KHDRBS3: variants seen among roughly 807,000 people sequenced by gnomAD.
KHDRBS3 encodes KH domain-containing, RNA-binding, signal transduction-associated protein 3.
A neutral mutation model predicts 45.6 loss-of-function variants in KHDRBS3; 23 were observed. That is an observed-to-expected ratio of 0.50 (90% CI 0.36 to 0.72). KHDRBS3 has a LOEUF of 0.72. KHDRBS3 is among the 30% of genes least tolerant of loss of function. The probability of loss-of-function intolerance (pLI) is 0.00; values close to 1 mark genes in which losing one functional copy is unlikely to be tolerated. For synonymous variants in KHDRBS3, 162 were observed against 156.5 expected, an observed-to-expected ratio of 1.04 and a Z score of -0.26; for missense variants, 352 against 424.8, an observed-to-expected ratio of 0.83 and a Z score of 1.51.
At chr8:135,624,113 C>G (rs1830261301) in intron 7 of KHDRBS3, among the ~76,000 whole-genome samples, 1 of 152,164 alleles carries the variant, frequency 6.6e-6, no homozygotes, top group Non-Finnish European at 1.5e-5. Flanking sequence ...TTACAGTGGA[C>G]AGCAGATACC....
At chr8:135,511,401 C>T (rs977905295) in intron 1 of KHDRBS3, among the ~76,000 whole-genome samples, 1 of 152,100 alleles carries the variant, frequency 6.6e-6, no homozygotes, top group Non-Finnish European at 1.5e-5. Context: ...CCATCCTCCT[C>T]ATTATTATTC....
At chr8:135,540,149 A>G (rs969588980) in intron 2 of KHDRBS3, 15 of 152,242 alleles carry the variant, frequency 9.9e-5, no homozygotes, top group African/African-American at 3.6e-4. Flanking sequence ...TGAAATAAAA[A>G]GGCATAAATT....
intron 2 of KHDRBS3, chr8:135,538,958 A>C (rs1825914112): frequency 6.6e-6 from 1 of 152,232 alleles, no homozygotes; most frequent in African/African-American, 2.4e-5. Flanking sequence ...AACAAAAAAA[A>C]CCTACCTTAG....
At chr8:135,629,480 T>G (rs1830506378) in intron 7 of KHDRBS3, among the ~76,000 whole-genome samples, 3 of 152,202 alleles carry the variant, frequency 2.0e-5, no homozygotes, top group Admixed American at 2.0e-4. Context: ...CTGAAACACT[T>G]CTAGAAACTG....
At chr8:135,625,783 G>C in intron 7 of KHDRBS3, 1 of 767,594 alleles carries the variant, frequency 1.3e-6, no homozygotes, top group Non-Finnish European at 2.4e-6. Flanking sequence ...CCGTGTTCTA[G>C]CTTAGCTTAG....
chr8:135,513,607 C>T (rs1411775007), intron 1 of KHDRBS3, among the ~76,000 whole-genome samples: 1 of 152,034 alleles, frequency 6.6e-6, no homozygotes, highest in East Asian at 1.9e-4. Context: ...GAAAGTTCTT[C>T]TTATTACTTA....
Position 135,522,903 on chromosome 8 carries a change from T to G in KHDRBS3, c.207+1548T>G, listed in dbSNP as rs76604161. 9.8e-3 allele frequency among the ~76,000 whole-genome samples: 1,500 copies of G among 152,288 alleles called. 19 individuals are homozygous for G. The highest frequency in any genetic ancestry group is 0.012 in the Non-Finnish European group (829 of 68,022). On this transcript the variant is annotated intron_variant, in intron 2 of 8. Coordinates refer to ENST00000355849, the MANE Select transcript of KHDRBS3 (RefSeq NM_006558.3). ...GGTTATCTAGTTTTTCTTGCACTAT[T>G]TGTTGAAAGATGTTTCCCTCCACTG...
chr8:135,624,352 A>G (rs557466616), intron 7 of KHDRBS3, among the ~76,000 whole-genome samples: 62 of 152,390 alleles, frequency 4.1e-4, no homozygotes, highest in African/African-American at 1.4e-3. Flanking sequence ...TAAAATCCCC[A>G]TTCAAATCCC....
chr8:135,475,550 G>A (rs149280787), intron 1 of KHDRBS3, among the ~76,000 whole-genome samples: 4 of 152,150 alleles, frequency 2.6e-5, no homozygotes, highest in African/African-American at 9.6e-5. Flanking sequence ...GACCTCAGAT[G>A]ATCCACCCTC....
chr8:135,469,798 AT>A (rs1821920099), intron 1 of KHDRBS3, among the ~76,000 whole-genome samples: 1 of 152,168 alleles, frequency 6.6e-6, no homozygotes, highest in Non-Finnish European at 1.5e-5. Flanking sequence ...AAGTGCTGGG[AT>A]TACAGGCGTG....
intron 6 of KHDRBS3, among the ~76,000 whole-genome samples, chr8:135,603,393 C>G (rs115667726): frequency 2.0e-5 from 3 of 152,160 alleles, no homozygotes; most frequent in Non-Finnish European, 4.4e-5. Flanking sequence ...TGCTACTTAC[C>G]TGATAACCAA....
chr8:135,631,699 G>A (rs187277930), intron 7 of KHDRBS3, among the ~76,000 whole-genome samples: 44 of 152,096 alleles, frequency 2.9e-4, no homozygotes, highest in African/African-American at 9.2e-4. Flanking sequence ...AAACAGCTTC[G>A]GGCAGGTCCT....
At position 135,457,705 on chromosome 8, in the gene KHDRBS3, G is replaced by C. The variant is rs1292112996; in HGVS notation, c.-162G>C. ...GGCTGAGCGGTCGGTTCCCGCCCCC[G>C]TGCCGCCGCCGCCGCCTTCCGGCCG... On this transcript the variant is annotated 5_prime_UTR_variant, in exon 1 of 9. Transcript: ENST00000355849. This position sits in a 1 kb window ranked among gnomAD's most constrained non-coding sequence, Gnocchi z 4.4. 1.2e-5 allele frequency: 2 copies of C among 160,766 alleles called. No homozygotes were observed. The highest frequency in any genetic ancestry group is 4.9e-5 in the African/African-American group (2 of 41,018). The allele number at this position is 160,766 out of a possible 1,614,324, so 10.0% of individuals were successfully genotyped here. A position where few individuals can be genotyped will look rare whatever the true frequency, so the allele number is the denominator to read the frequency against.
chr8:135,479,847 AAAGACATCAC>A (rs1304119094), intron 1 of KHDRBS3, among the ~76,000 whole-genome samples: 1 of 152,212 alleles, frequency 6.6e-6, no homozygotes, highest in Admixed American at 6.5e-5. Flanking sequence ...CAAGTCAGAA[AAAGACATCAC>A]AAGAAAACTA....
At chr8:135,494,690 C>T (rs1294572361) in intron 1 of KHDRBS3, among the ~76,000 whole-genome samples, 1 of 152,138 alleles carries the variant, frequency 6.6e-6, no homozygotes, top group East Asian at 1.9e-4. Flanking sequence ...GGTTTTCTGC[C>T]CTTCCTCCAG....
At chr8:135,481,494 G>C (rs1822576434) in intron 1 of KHDRBS3, among the ~76,000 whole-genome samples, 1 of 152,030 alleles carries the variant, frequency 6.6e-6, no homozygotes, top group South Asian at 2.1e-4. Flanking sequence ...CTCCCCTGTA[G>C]AGGGTATGCT....
chr8:135,608,657 A>G (rs1829575309), intron 7 of KHDRBS3, among the ~76,000 whole-genome samples: 1 of 152,202 alleles, frequency 6.6e-6, no homozygotes, highest in Admixed American at 6.5e-5. Context: ...CTGTTCCCGT[A>G]TCTGTTATGG....
intron 6 of KHDRBS3, among the ~76,000 whole-genome samples, chr8:135,584,261 T>A (rs1049771391): frequency 2.6e-5 from 4 of 152,222 alleles, no homozygotes; most frequent in African/African-American, 9.6e-5. Context: ...GACGGTCATA[T>A]CCGCCAGTGT....
chr8:135,637,458 TG>T, intron 7 of KHDRBS3, among the ~76,000 whole-genome samples: 1 of 152,232 alleles, frequency 6.6e-6, no homozygotes, highest in African/African-American at 2.4e-5. Flanking sequence ...AGGTGTTAGC[TG>T]AAGTCTTAAA....
Sources: gnomAD v4.1 joint callset for allele counts (sites outside exome capture counted in the v4.1 genomes callset) on GRCh38, gnomAD v4.1.1 for gene constraint, Gnocchi (gnomAD v3.1) non-coding constraint, MANE v1.5 for transcripts, NCBI Gene and HGNC (gene_info 2026-07-23, HGNC 2026-07-21) for gene names.